The following TEX11 variants were observed in gnomAD, a reference collection of about 807,000 sequenced individuals.
TEX11 encodes the protein testis-expressed protein 11.
In TEX11, 7 loss-of-function variants were observed where a neutral mutation model predicts 84.4. That is an observed-to-expected ratio of 0.08 (90% CI 0.05 to 0.16). TEX11 has a LOEUF of 0.16. TEX11 is among the 10% of genes least tolerant of loss of function. The probability of loss-of-function intolerance (pLI) is 1.00; values close to 1 mark genes in which losing one functional copy is unlikely to be tolerated. For missense variants in TEX11, 551 were observed against 660.5 expected, an observed-to-expected ratio of 0.83 and a Z score of 1.82; for synonymous variants, 264 against 222.8, an observed-to-expected ratio of 1.18 and a Z score of -1.64.
intron 11 of TEX11, among the ~76,000 whole-genome samples, chrX:70,726,360 T>C (rs917796215): frequency 2.7e-5 from 3 of 111,851 alleles, no homozygotes; most frequent in Non-Finnish European, 5.6e-5. Context: ...TCTTCACTTC[T>C]GTAAACATTT....
intron 14 of TEX11, among the ~76,000 whole-genome samples, chrX:70,681,102 T>C (rs2090144427): frequency 8.9e-6 from 1 of 112,874 alleles, no homozygotes; most frequent in Admixed American, 9.3e-5. Flanking sequence ...AGGTAAAGTC[T>C]AAACTATAAT....
intron 9 of TEX11, among the ~76,000 whole-genome samples, chrX:70,769,854 C>A (rs2090961796): frequency 9.0e-6 from 1 of 111,703 alleles, no homozygotes; most frequent in Non-Finnish European, 1.9e-5. Flanking sequence ...GGTGCTAATA[C>A]CTACCTTTCC....
At chrX:70,605,164 T>C (rs1467778559) in intron 24 of TEX11, among the ~76,000 whole-genome samples, 2 of 110,997 alleles carry the variant, frequency 1.8e-5, no homozygotes, top group Non-Finnish European at 3.8e-5. Context: ...GAAAGAGTGG[T>C]CCATAGGAAG....
chrX:70,650,077 T>C (rs1208589896), intron 17 of TEX11, among the ~76,000 whole-genome samples: 2 of 112,051 alleles, frequency 1.8e-5, no homozygotes, highest in Admixed American at 9.5e-5. Context: ...TTCATTTATA[T>C]GACATTCTGG....
chrX:70,539,980 G>A (rs74880027), intron 28 of TEX11, among the ~76,000 whole-genome samples: 9,511 of 111,557 alleles, frequency 0.085, 473 homozygotes, highest in Admixed American at 0.25. Context: ...ATCAATGATG[G>A]AGGTCAAGTT....
intron 24 of TEX11, among the ~76,000 whole-genome samples, chrX:70,599,661 C>T (rs2089064685): frequency 1.2e-5 from 1 of 80,268 alleles, no homozygotes. Context: ...TCAATGCTAT[C>T]CCTCCCCCTC....
chrX:70,626,928 C>T lies in TEX11; in HGVS notation c.1609-2004G>A, dbSNP rs1366549484. Reference sequence around the variant, plus strand: ...AGAATGGTTGAAGAGAAAAGAGGAACTAGCAAAGGAGAAAGAAAGAGTGAC... The same window carrying T: ...AGAATGGTTGAAGAGAAAAGAGGAATTAGCAAAGGAGAAAGAAAGAGTGAC... On this transcript the variant is annotated intron_variant, in intron 18 of 29. Coordinates refer to ENST00000374333, the MANE Select transcript of TEX11 (RefSeq NM_031276.3). Among the ~76,000 whole-genome samples, 3 of 111,661 alleles carry T rather than the reference C, an allele frequency of 2.7e-5. No individual in the cohort carries two copies. The East Asian group carries it at 8.4e-4, about 31-fold the overall frequency.
intron 13 of TEX11, among the ~76,000 whole-genome samples, chrX:70,712,593 T>A (rs934925435): frequency 1.2e-4 from 13 of 111,338 alleles, no homozygotes; most frequent in Admixed American, 3.8e-4. Flanking sequence ...TCTCTGTTTG[T>A]CTGTTATTGG....
intron 4 of TEX11, among the ~76,000 whole-genome samples, chrX:70,870,541 TAGTC>T (rs1416177036): frequency 3.4e-4 from 38 of 111,118 alleles, no homozygotes; most frequent in African/African-American, 1.2e-3. Flanking sequence ...TTCACTGTGT[TAGTC>T]AGGATGGTCT....
At chrX:70,907,915 A>G (rs2091842959) in intron 1 of TEX11, 105 bp from the exon 2 acceptor site, 4 of 548,529 alleles carry the variant, frequency 7.3e-6, no homozygotes, top group Admixed American at 3.4e-5. Flanking sequence ...AAAGGGAGAA[A>G]AAAAGGCTGA....
chrX:70,633,293 T>C (rs754996628), intron 17 of TEX11, among the ~76,000 whole-genome samples: 1 of 111,957 alleles, frequency 8.9e-6, no homozygotes, highest in Non-Finnish European at 1.9e-5. Flanking sequence ...ATATTAACAA[T>C]TTTTTAAAAA....
At chrX:70,542,454 A>T (rs1292836352) in intron 28 of TEX11, among the ~76,000 whole-genome samples, 1 of 111,862 alleles carries the variant, frequency 8.9e-6, no homozygotes, top group African/African-American at 3.3e-5. Flanking sequence ...AGCTCAGAAG[A>T]CCTGCATTCT....
intron 7 of TEX11, among the ~76,000 whole-genome samples, chrX:70,851,737 T>C (rs1198777526): frequency 2.8e-5 from 3 of 107,027 alleles, no homozygotes; most frequent in Admixed American, 1.0e-4. Context: ...TTATTCACAA[T>C]AGACAAAAAT....
In TEX11 at chrX:70,567,013, G is replaced by A. The variant is rs1414946475; in HGVS notation, c.2141-12213C>T. Among the ~76,000 whole-genome samples, 5 of 111,418 alleles carry A rather than the reference G, an allele frequency of 4.5e-5. No homozygotes were observed. In the East Asian group the frequency reaches 1.1e-3, roughly 25 times the overall value. ...CCTCCTTGTACCTCTGGTAGAATTC[G>A]GCTGTGAATCCATCTGGTCCTGGGC... On this transcript the variant is annotated intron_variant, in intron 25 of 29. Transcript: ENST00000374333.
At chrX:70,555,051 A>G (rs1023770122) in intron 25 of TEX11, among the ~76,000 whole-genome samples, 1 of 111,647 alleles carries the variant, frequency 9.0e-6, no homozygotes. Flanking sequence ...AACTACCTAT[A>G]TTTTCTCAAA....
rs778289240 is a variant in TEX11 at position 70,843,368 on chromosome X, T to A, written c.525+9666A>T. Among the ~76,000 whole-genome samples the A allele has an allele frequency of 6.8e-3, 759 of 111,976 alleles. 6 individuals carry two copies. Among genetic ancestry groups the A allele is most frequent in the African/African-American group, 0.024 (725 of 30,813 alleles). On this transcript the variant is annotated intron_variant, in intron 7 of 29. Coordinates refer to ENST00000374333, the MANE Select transcript of TEX11 (RefSeq NM_031276.3). ...AACAAGCAATGGGGAAAGGATTCCC[T>A]ATTTAATAAATGGTGCTGGGAAAAC...
In TEX11 at chrX:70,682,798, C is replaced by A. The variant is rs766715873; in HGVS notation, c.1032G>T (p.Thr344=). The change falls in exon 14 of 30, where the codon ACG becomes ACT. Residue 344 remains threonine (T), a synonymous_variant. Transcript: ENST00000374333. The part of the protein sequence containing the change: ...ERESVGFHFL[T]IIHERFKSSE... Reference sequence around the variant, plus strand: ...ATGACTTAAAACGTTCATGAATAATCGTCAGGAAATGAAACCCAACAGATT... The same window carrying A: ...ATGACTTAAAACGTTCATGAATAATAGTCAGGAAATGAAACCCAACAGATT... 1 of 1,207,275 alleles carries A rather than the reference C, an allele frequency of 8.3e-7. No individual in the cohort carries two copies. The highest frequency in any genetic ancestry group is 1.1e-6 in the Non-Finnish European group (1 of 894,177).
intron 9 of TEX11, among the ~76,000 whole-genome samples, chrX:70,804,859 G>A (rs1017426087): frequency 2.7e-5 from 3 of 109,850 alleles, no homozygotes; most frequent in Admixed American, 9.8e-5. Flanking sequence ...GTTATGACCA[G>A]TTCCTAGAGA....
At chrX:70,670,272 C>T in intron 16 of TEX11, 105 bp downstream of exon 16, 1 of 915,557 alleles carries the variant, frequency 1.1e-6, no homozygotes, top group Non-Finnish European at 1.5e-6. Flanking sequence ...AGGGAACTCT[C>T]AGACATCCTA....
Sources: allele counts gnomAD v4.1 joint callset (sites outside exome capture counted in the v4.1 genomes callset), GRCh38; gene constraint gnomAD v4.1.1; transcripts MANE v1.5; gene names NCBI Gene and HGNC (gene_info 2026-07-23, HGNC 2026-07-21).